Variants in GLG1 observed in about 807,000 individuals in gnomAD.
The protein encoded by GLG1 is Golgi apparatus protein 1.
GLG1 carries 38 observed loss-of-function variants against 160.5 expected under a neutral mutation model. The observed-to-expected ratio is 0.24, with a 90% CI of 0.18 to 0.31. The LOEUF (loss-of-function observed/expected upper bound fraction) is 0.31, where lower values mean the gene tolerates loss of function less well. Ranked by LOEUF, GLG1 falls within the 10% of genes least tolerant of loss-of-function variation. The probability of loss-of-function intolerance (pLI) is 1.00; values close to 1 mark genes in which losing one functional copy is unlikely to be tolerated. For missense variants in GLG1, 1,373 were observed against 1,505.2 expected, an observed-to-expected ratio of 0.91 and a Z score of 1.45; for synonymous variants, 644 against 543.4, an observed-to-expected ratio of 1.19 and a Z score of -2.57.
Position 74,470,001 on chromosome 16 carries a change from G to C in GLG1, c.2302C>G (p.Pro768Ala). The C allele has an allele frequency of 6.2e-7, 1 of 1,601,326 alleles. No individual in the cohort carries two copies. The highest frequency in any genetic ancestry group is 2.2e-5 in the East Asian group (1 of 44,838). The change falls in exon 16 of 26, where the codon CCA becomes GCA. Residue 768 changes from proline (P) to alanine (A), a missense_variant. Coordinates refer to ENST00000422840, the MANE Select transcript of GLG1 (RefSeq NM_001145667.2). ...ACKEDVLKLC[P>A]NIKKKVDVVI... ...GCTACATACTTCTTTTTTATGTTTG[G>C]GCAAAGCTTCAACACGTCCTCCTTG...
chr16:74,495,328 G>A (rs957051382), intron 5 of GLG1, among the ~76,000 whole-genome samples: 21 of 152,202 alleles, frequency 1.4e-4, no homozygotes, highest in South Asian at 4.2e-4. Context: ...TGGTCAGGCT[G>A]GTCTCGAACT....
At chr16:74,485,704 TCAA>T (rs2015764486) in intron 9 of GLG1, 89 bp downstream of exon 9, 2 of 1,218,832 alleles carry the variant, frequency 1.6e-6, no homozygotes, top group Non-Finnish European at 2.3e-6. Context: ...AGTTAAGATG[TCAA>T]CAACCACCCA....
intron 2 of GLG1, among the ~76,000 whole-genome samples, chr16:74,520,488 T>A (rs956400285): frequency 6.6e-6 from 1 of 152,074 alleles, no homozygotes; most frequent in Admixed American, 6.6e-5. Flanking sequence ...AATACAAAAT[T>A]AGCTGGGCGT....
chr16:74,564,075 G>A (rs1368214119), intron 1 of GLG1, among the ~76,000 whole-genome samples: 1 of 152,122 alleles, frequency 6.6e-6, no homozygotes, highest in African/African-American at 2.4e-5. Context: ...CATGTGCCAC[G>A]AGGCCCGGCT....
intron 7 of GLG1, 119 bp from the exon 8 acceptor site, chr16:74,491,334 C>T (rs2015976897): frequency 2.7e-6 from 2 of 750,248 alleles, no homozygotes; most frequent in African/African-American, 3.5e-5. Context: ...ATCAGACATG[C>T]TAACATCTGA....
Position 74,465,739 on chromosome 16 carries a change from C to T in GLG1, c.2604G>A (p.Glu868=), listed in dbSNP as rs758265728. The T allele has an allele frequency of 1.2e-5, 20 of 1,613,676 alleles. No individual in the cohort carries two copies. The highest frequency in any genetic ancestry group is 1.7e-5 in the Non-Finnish European group (20 of 1,179,620). ...RCHQKVFKLQ[E]TEMMDPELDY... ...CTAGCTCTGGGTCCATCATCTCTGTCTCCTGCAGCTTAAATACTTTTTGGT... is the reference window on the plus strand; with the variant it reads ...CTAGCTCTGGGTCCATCATCTCTGTTTCCTGCAGCTTAAATACTTTTTGGT... The change falls in exon 19 of 26, where the codon GAG becomes GAA. Residue 868 remains glutamate (E), a synonymous_variant. Coordinates refer to ENST00000422840, the MANE Select transcript of GLG1 (RefSeq NM_001145667.2).
At chr16:74,517,847 C>T (rs954782161) in intron 2 of GLG1, among the ~76,000 whole-genome samples, 10 of 152,126 alleles carry the variant, frequency 6.6e-5, no homozygotes, top group African/African-American at 2.4e-4. Context: ...GCAACTTCAG[C>T]AAAGTCTCAG....
In GLG1 at chr16:74,470,000, G is replaced by C. The variant is rs1477922974; in HGVS notation, c.2303C>G (p.Pro768Arg). Residue 768 changes from proline (P) to arginine (R), a missense_variant, in exon 16 of 26, where the codon CCA (proline) becomes CGA (arginine). This residue lies in a region of GLG1 where 491 missense variants were observed against 632.1 expected (regional missense o/e 0.78). Transcript: ENST00000422840. ...AGCTACATACTTCTTTTTTATGTTT[G>C]GGCAAAGCTTCAACACGTCCTCCTT... ...ACKEDVLKLC[P>R]NIKKKVDVVI... The C allele has an allele frequency of 1.3e-6, 2 of 1,599,948 alleles. No individual in the cohort carries two copies. Among genetic ancestry groups the C allele is most frequent in the Non-Finnish European group, 1.7e-6 (2 of 1,167,242 alleles).
At chr16:74,526,812 T>C (rs1262772744) in intron 2 of GLG1, among the ~76,000 whole-genome samples, 4 of 152,218 alleles carry the variant, frequency 2.6e-5, no homozygotes, top group African/African-American at 4.8e-5. Flanking sequence ...GAACAGAAGA[T>C]GCTACTTGAT....
intron 2 of GLG1, among the ~76,000 whole-genome samples, chr16:74,518,993 C>G (rs1180680486): frequency 6.6e-6 from 1 of 151,992 alleles, no homozygotes; most frequent in Non-Finnish European, 1.5e-5. Context: ...AGGCATATAC[C>G]TAAAGGATTA....
intron 7 of GLG1, among the ~76,000 whole-genome samples, chr16:74,492,389 A>T (rs905290853): frequency 1.3e-5 from 2 of 151,470 alleles, no homozygotes; most frequent in African/African-American, 4.9e-5. Context: ...AGAAAAGACA[A>T]GAAAACTATT....
At chr16:74,598,225 G>A (rs1168821657) in intron 1 of GLG1, among the ~76,000 whole-genome samples, 1 of 151,996 alleles carries the variant, frequency 6.6e-6, no homozygotes, top group African/African-American at 2.4e-5. Context: ...AATGTTTGCT[G>A]AAAGAAGAAA....
At chr16:74,508,552 T>C (rs1018594004) in intron 3 of GLG1, among the ~76,000 whole-genome samples, 3 of 152,200 alleles carry the variant, frequency 2.0e-5, no homozygotes, top group East Asian at 1.9e-4. Flanking sequence ...ACACAGCATG[T>C]TGTCCAATGT....
intron 1 of GLG1, among the ~76,000 whole-genome samples, chr16:74,568,778 T>C (rs990494508): frequency 1.2e-4 from 18 of 152,184 alleles, no homozygotes; most frequent in Non-Finnish European, 2.5e-4. Context: ...CAGGTGCACA[T>C]GCAAAGTAAC....
intron 2 of GLG1, among the ~76,000 whole-genome samples, chr16:74,522,650 T>C (rs1383338327): frequency 6.6e-6 from 1 of 152,206 alleles, no homozygotes; most frequent in African/African-American, 2.4e-5. Flanking sequence ...TACTTTTCCA[T>C]GGTTTGCCAG....
At chr16:74,601,638 T>G (rs1958443385) in intron 1 of GLG1, among the ~76,000 whole-genome samples, 1 of 152,142 alleles carries the variant, frequency 6.6e-6, no homozygotes, top group Non-Finnish European at 1.5e-5. Flanking sequence ...AGTTGGGATT[T>G]GAAACTCTTT....
At chr16:74,499,229 G>C (rs903760935) in intron 4 of GLG1, among the ~76,000 whole-genome samples, 2 of 151,936 alleles carry the variant, frequency 1.3e-5, no homozygotes, top group Admixed American at 6.6e-5. Flanking sequence ...GTTTGTTGTT[G>C]TTGTTTAACT....
At chr16:74,606,533 A>C (rs1958570351) in intron 1 of GLG1, 124 bp downstream of exon 1, 4 of 749,810 alleles carry the variant, frequency 5.3e-6, no homozygotes, top group African/African-American at 1.8e-5. Flanking sequence ...CAAAGAGGGA[A>C]GGAGCGAGTG....
chr16:74,569,505 T>C (rs937261610), intron 1 of GLG1, among the ~76,000 whole-genome samples: 3 of 152,192 alleles, frequency 2.0e-5, no homozygotes, highest in Non-Finnish European at 4.4e-5. Context: ...CAGTTTCAAA[T>C]ACATCTCTAA....
Sources: allele counts gnomAD v4.1 joint callset (sites outside exome capture counted in the v4.1 genomes callset), GRCh38; gene constraint gnomAD v4.1.1; regional missense constraint gnomAD v4.1.1; transcripts MANE v1.5; gene names NCBI Gene and HGNC (gene_info 2026-07-23, HGNC 2026-07-21).